Variants in INTS4 observed in about 807,000 individuals in gnomAD.
INTS4 encodes the protein MSTP093.
Under a neutral mutation model 119.5 loss-of-function variants are expected in INTS4, and 70 were observed. The ratio of observed to expected loss-of-function variants is 0.59; its 90% confidence interval spans 0.48 to 0.71. The LOEUF is 0.71. INTS4 is among the 30% of genes least tolerant of loss of function. The probability of loss-of-function intolerance (pLI) is 0.00; values close to 1 mark genes in which losing one functional copy is unlikely to be tolerated. For synonymous variants in INTS4, 316 were observed against 419.6 expected (o/e 0.75, Z 3.02); for missense variants, 867 against 1,173.2 (o/e 0.74, Z 3.81).
At chr11:77,964,158 C>T (rs1275363080) in intron 4 of INTS4, among the ~76,000 whole-genome samples, 2 of 152,078 alleles carry the variant, frequency 1.3e-5, no homozygotes, top group African/African-American at 4.8e-5. Flanking sequence ...TGAGGATTAG[C>T]TATCCAATAA....
chr11:77,954,786 C>CGGTA, intron 8 of INTS4, among the ~76,000 whole-genome samples: 2 of 152,302 alleles, frequency 1.3e-5, no homozygotes, highest in Middle Eastern at 6.8e-3. Flanking sequence ...GCTCATCTAC[C>CGGTA]ACTCACCTCC....
chr11:77,880,457 A>G (rs1951749171), intron 22 of INTS4, among the ~76,000 whole-genome samples: 1 of 152,204 alleles, frequency 6.6e-6, no homozygotes, highest in South Asian at 2.1e-4. Context: ...GCACACACTC[A>G]CATGACAACA....
At chr11:77,923,096 G>C (rs1458985409) in intron 12 of INTS4, among the ~76,000 whole-genome samples, 2 of 152,114 alleles carry the variant, frequency 1.3e-5, no homozygotes, top group Non-Finnish European at 1.5e-5. Flanking sequence ...GAAGTGGCTG[G>C]ATCAGGAGGT....
intron 4 of INTS4, among the ~76,000 whole-genome samples, chr11:77,976,906 TC>T (rs1555043043): frequency 6.6e-6 from 1 of 151,406 alleles, no homozygotes; most frequent in Non-Finnish European, 1.5e-5. Flanking sequence ...AAGGGGAACA[TC>T]ACACACCAGG....
At chr11:77,949,521 A>C (rs1008273770) in intron 8 of INTS4, among the ~76,000 whole-genome samples, 1 of 148,664 alleles carries the variant, frequency 6.7e-6, no homozygotes, top group African/African-American at 2.5e-5. Flanking sequence ...CAAATTTACA[A>C]AAAAAAAAAA....
At chr11:77,918,367 A>T in intron 15 of INTS4, 1 of 346,410 alleles carries the variant, frequency 2.9e-6, no homozygotes, top group Non-Finnish European at 5.4e-6. Flanking sequence ...CAGTGAGCTG[A>T]TATTATGCCA....
At chr11:77,965,558 C>G (rs905996317) in intron 4 of INTS4, among the ~76,000 whole-genome samples, 11 of 152,188 alleles carry the variant, frequency 7.2e-5, no homozygotes, top group Admixed American at 7.2e-4. Flanking sequence ...TTTAAAATTA[C>G]ACACACAAAT....
At chr11:77,974,980 T>C (rs1188537477) in intron 4 of INTS4, among the ~76,000 whole-genome samples, 1 of 152,206 alleles carries the variant, frequency 6.6e-6, no homozygotes, top group Non-Finnish European at 1.5e-5. Context: ...TTGAGTCTTC[T>C]CTCTCTTTCT....
At position 77,991,209 on chromosome 11, in the gene INTS4, G is replaced by A. The variant is rs764493722; in HGVS notation, c.145C>T (p.Pro49Ser). ...LHIDLCKATS[P>S]ADALQYLLQF... ...AGCAAGTATTGCAAAGCATCTGCTGGGGAGGTAGCTTTACACAGATCTATG... is the reference window on the plus strand; with the variant it reads ...AGCAAGTATTGCAAAGCATCTGCTGAGGAGGTAGCTTTACACAGATCTATG... The change falls in exon 2 of 23, where the codon CCA (proline) becomes TCA (serine). Residue 49 changes from proline (P) to serine (S), a missense_variant. Physicochemically the swap from Pro to Ser is moderately conservative, Grantham distance 74. This residue lies in a region of INTS4 where 224 missense variants were observed against 231.8 expected (regional missense o/e 0.97). Transcript: ENST00000534064. 1 of 1,614,106 alleles carries A rather than the reference G, an allele frequency of 6.2e-7. No homozygotes were observed. The highest frequency in any genetic ancestry group is 1.1e-5 in the South Asian group (1 of 91,082).
At chr11:77,910,772 A>C (rs1046879577) in intron 15 of INTS4, among the ~76,000 whole-genome samples, 4 of 151,776 alleles carry the variant, frequency 2.6e-5, no homozygotes, top group Admixed American at 2.0e-4. Context: ...TACTATTACC[A>C]GTTTCTTTTG....
Position 77,985,323 on chromosome 11 carries a change from G to A in INTS4, c.247-3747C>T, listed in dbSNP as rs551237600. Among the ~76,000 whole-genome samples, 10 of 152,232 alleles carry A rather than the reference G, an allele frequency of 6.6e-5. No homozygotes were observed. The East Asian group carries it at 1.9e-3, about 29-fold the overall frequency. ...AAATCTTCTGGTCTTATCTCTTGAT[G>A]AGCTCCCAACCTAAAATCTGCACCA... is the stretch of plus-strand genomic sequence containing the variant. On this transcript the variant is annotated intron_variant, in intron 2 of 22. Transcript: ENST00000534064.
intron 2 of INTS4, among the ~76,000 whole-genome samples, chr11:77,985,046 T>C (rs1856401321): frequency 6.6e-6 from 1 of 152,062 alleles, no homozygotes; most frequent in South Asian, 2.1e-4. Flanking sequence ...ACATAAATGA[T>C]CTCCTTCACA....
intron 10 of INTS4, among the ~76,000 whole-genome samples, chr11:77,933,619 A>G (rs1226431937): frequency 6.6e-6 from 1 of 152,168 alleles, no homozygotes; most frequent in Non-Finnish European, 1.5e-5. Context: ...CAAAGTGCCG[A>G]GATTGCAGCC....
At position 77,960,397 on chromosome 11, in the gene INTS4, T is replaced by G; in HGVS notation, c.658-6A>C. 1 of 1,575,062 alleles carries G rather than the reference T, an allele frequency of 6.3e-7. No individual in the cohort carries two copies. The highest frequency in any genetic ancestry group is 8.7e-7 in the Non-Finnish European group (1 of 1,146,536). ...CCTCTTTCATGGAGCTGCAACTAGA[T>G]AATAAATATATAGTTTAAGTGCTTG... On this transcript the variant is annotated splice_polypyrimidine_tract_variant and splice_region_variant and intron_variant, in intron 5 of 22. Transcript: ENST00000534064.
chr11:77,936,758 A>T (rs1299946849), intron 10 of INTS4, among the ~76,000 whole-genome samples: 2 of 152,106 alleles, frequency 1.3e-5, no homozygotes, highest in African/African-American at 2.4e-5. Context: ...TAAAAACTGG[A>T]GAAAGAAAGG....
At chr11:77,986,984 A>G (rs1217063330) in intron 2 of INTS4, 1 of 152,192 alleles carries the variant, frequency 6.6e-6, no homozygotes, top group Non-Finnish European at 1.5e-5. Context: ...CCTAAAGTAT[A>G]ATAATAAAAA....
chr11:77,896,208 G>A (rs1200677040), intron 18 of INTS4, among the ~76,000 whole-genome samples: 2 of 151,582 alleles, frequency 1.3e-5, no homozygotes, highest in African/African-American at 4.8e-5. Context: ...CAGATGACAA[G>A]AAGAGAAACT....
chr11:77,924,808 A>G lies in INTS4; in HGVS notation c.1456T>C (p.Leu486=), dbSNP rs764298836. 2.2e-5 allele frequency: 35 copies of G among 1,597,396 alleles called. 1 individual carries two copies. In the East Asian group the frequency reaches 2.2e-4, roughly 10 times the overall value. ...GTTAAATTTTTCAGCAGCTCCACCAATGCAAGATGAATCCCTTCTTTGGTT... is the reference window on the plus strand; with the variant it reads ...GTTAAATTTTTCAGCAGCTCCACCAGTGCAAGATGAATCCCTTCTTTGGTT... ...VSTKEGIHLA[L]VELLKNLTKY... is the part of the protein sequence containing the mutation. Residue 486 remains leucine (L), a synonymous_variant, in exon 12 of 23, where the codon TTG becomes CTG. Coordinates refer to ENST00000534064, the MANE Select transcript of INTS4 (RefSeq NM_033547.4).
chr11:77,950,563 A>AT (rs1954166302), intron 8 of INTS4, among the ~76,000 whole-genome samples: 1 of 152,158 alleles, frequency 6.6e-6, no homozygotes, highest in African/African-American at 2.4e-5. Context: ...AAAATATACA[A>AT]TATTATAGCT....
Sources: gnomAD v4.1 joint callset for allele counts (sites outside exome capture counted in the v4.1 genomes callset) on GRCh38, gnomAD v4.1.1 for gene constraint, gnomAD v4.1.1 regional missense constraint, MANE v1.5 for transcripts, NCBI Gene and HGNC (gene_info 2026-07-23, HGNC 2026-07-21) for gene names.